FMN2: variants seen among roughly 807,000 people sequenced by gnomAD.
FMN2 encodes the protein formin-2.
FMN2 carries 51 observed loss-of-function variants against 142.3 expected under a neutral mutation model. The observed-to-expected ratio is 0.36, with a 90% CI of 0.29 to 0.45. The LOEUF (loss-of-function observed/expected upper bound fraction) is 0.45, where lower values mean the gene tolerates loss of function less well. FMN2 is among the 20% of genes least tolerant of loss of function. FMN2 has a pLI of 1.00. For synonymous variants in FMN2, 882 were observed against 869.8 expected, an observed-to-expected ratio of 1.01 and a Z score of -0.25; for missense variants, 1,936 against 2,122.8, an observed-to-expected ratio of 0.91 and a Z score of 1.73.
chr1:240,298,811 C>T (rs918019753), intron 8 of FMN2, among the ~76,000 whole-genome samples: 7 of 152,092 alleles, frequency 4.6e-5, no homozygotes, highest in African/African-American at 9.7e-5. Flanking sequence ...GGTTGGGGAC[C>T]GCTGCTGTCT....
Position 240,382,393 on chromosome 1 carries a change from G to A in FMN2, c.4859-10118G>A, listed in dbSNP as rs188758884. Among the ~76,000 whole-genome samples the A allele has an allele frequency of 4.1e-3, 620 of 152,062 alleles. 5 individuals are homozygous for A. The highest frequency in any genetic ancestry group is 0.014 in the African/African-American group (589 of 41,470). The stretch of plus-strand genomic sequence containing the variant: ...GAAGAATCAACATCATTAAAATACC[G>A]GCTGGGCCTGTAATCCCAGCACTTT... On this transcript the variant is annotated intron_variant, in intron 14 of 17. Transcript: ENST00000319653.
chr1:240,340,547 C>T (rs963547566), intron 13 of FMN2, among the ~76,000 whole-genome samples: 1 of 152,162 alleles, frequency 6.6e-6, no homozygotes, highest in African/African-American at 2.4e-5. Flanking sequence ...TACCACTGCA[C>T]TCCAGCCTGG....
At chr1:240,134,479 G>A (rs2103239633) in intron 2 of FMN2, among the ~76,000 whole-genome samples, 1 of 151,976 alleles carries the variant, frequency 6.6e-6, no homozygotes, top group South Asian at 2.1e-4. Context: ...TAAAAAATTA[G>A]CCAGGTGTGG....
At chr1:240,346,801 T>C (rs557532491) in intron 13 of FMN2, among the ~76,000 whole-genome samples, 1 of 152,276 alleles carries the variant, frequency 6.6e-6, no homozygotes, top group East Asian at 1.9e-4. Context: ...CAGCCTTTCC[T>C]ATACTTTATG....
chr1:240,337,060 G>T (rs895386540), intron 13 of FMN2, among the ~76,000 whole-genome samples: 1 of 152,032 alleles, frequency 6.6e-6, no homozygotes, highest in Admixed American at 6.6e-5. Flanking sequence ...TTTTAGGAAC[G>T]AGAGGGATAT....
chr1:240,357,251 A>G (rs1257244622), intron 14 of FMN2, among the ~76,000 whole-genome samples: 1 of 152,220 alleles, frequency 6.6e-6, no homozygotes, highest in Non-Finnish European at 1.5e-5. Flanking sequence ...CAATCAAGCA[A>G]TTTGCTGGAT....
chr1:240,285,305 C>T (rs995830522), intron 7 of FMN2: 8 of 455,006 alleles, frequency 1.8e-5, no homozygotes, highest in Non-Finnish European at 3.1e-5. Context: ...GACAGTTCCT[C>T]TGAACACCAA....
At chr1:240,255,107 C>T (rs554119078) in intron 6 of FMN2, among the ~76,000 whole-genome samples, 1 of 152,228 alleles carries the variant, frequency 6.6e-6, no homozygotes, top group East Asian at 1.9e-4. Flanking sequence ...TTAACTTTAC[C>T]ACATGAGGGA....
intron 7 of FMN2, among the ~76,000 whole-genome samples, chr1:240,269,527 T>G (rs981733789): frequency 6.6e-6 from 1 of 151,670 alleles, no homozygotes; most frequent in Non-Finnish European, 1.5e-5. Context: ...GGCTATTTGG[T>G]TTTTTTTGTG....
intron 7 of FMN2, among the ~76,000 whole-genome samples, chr1:240,273,668 C>T (rs1205559284): frequency 7.0e-6 from 1 of 142,836 alleles, no homozygotes; most frequent in African/African-American, 2.6e-5. Context: ...GCAGAGGGGG[C>T]AGAGACACAC....
At chr1:240,133,971 C>T (rs1428137818) in intron 2 of FMN2, among the ~76,000 whole-genome samples, 3 of 152,154 alleles carry the variant, frequency 2.0e-5, no homozygotes, top group African/African-American at 7.2e-5. Flanking sequence ...ATTCTAATCC[C>T]ATCTTCTCCA....
At chr1:240,327,019 T>C (rs1671193311) in intron 8 of FMN2, among the ~76,000 whole-genome samples, 1 of 152,188 alleles carries the variant, frequency 6.6e-6, no homozygotes, top group Non-Finnish European at 1.5e-5. Context: ...TATGATATTA[T>C]TTATGAGGCT....
intron 7 of FMN2, among the ~76,000 whole-genome samples, chr1:240,265,718 T>C (rs1390915036): frequency 2.0e-5 from 3 of 152,158 alleles, no homozygotes; most frequent in Non-Finnish European, 2.9e-5. Context: ...GGCAAATTAC[T>C]TTATATCTCT....
intron 8 of FMN2, among the ~76,000 whole-genome samples, chr1:240,315,345 G>T (rs1670743367): frequency 6.6e-6 from 1 of 152,138 alleles, no homozygotes; most frequent in Non-Finnish European, 1.5e-5. Context: ...TGGTTTTGAT[G>T]TATTATGTTT....
chr1:240,216,186 T>G (rs1467455366), intron 6 of FMN2, among the ~76,000 whole-genome samples: 1 of 152,180 alleles, frequency 6.6e-6, no homozygotes, highest in East Asian at 1.9e-4. Flanking sequence ...AGACAGCCAT[T>G]GTGGTTAAAC....
intron 8 of FMN2, among the ~76,000 whole-genome samples, chr1:240,301,270 A>C (rs1670187643): frequency 6.6e-6 from 1 of 151,546 alleles, no homozygotes. Flanking sequence ...CTTAGATAGA[A>C]TTTTCATATA....
intron 6 of FMN2, among the ~76,000 whole-genome samples, chr1:240,244,027 AAC>A (rs1463689018): frequency 1.3e-5 from 2 of 152,216 alleles, no homozygotes; most frequent in African/African-American, 4.8e-5. Context: ...TTTGAGAAAC[AAC>A]AGTTTTCACA....
At chr1:240,261,833 A>G (rs1418556580) in intron 7 of FMN2, among the ~76,000 whole-genome samples, 1 of 152,140 alleles carries the variant, frequency 6.6e-6, no homozygotes, top group Non-Finnish European at 1.5e-5. Context: ...CTATTTGGTA[A>G]TGTTCAAACT....
At chr1:240,359,578 A>G (rs113170224) in intron 14 of FMN2, among the ~76,000 whole-genome samples, 12 of 151,958 alleles carry the variant, frequency 7.9e-5, no homozygotes, top group Admixed American at 3.3e-4. Context: ...AACCCATTCA[A>G]TTTTCCCTCC....
Sources: allele counts gnomAD v4.1 joint callset (sites outside exome capture counted in the v4.1 genomes callset), GRCh38; gene constraint gnomAD v4.1.1; transcripts MANE v1.5; gene names NCBI Gene and HGNC (gene_info 2026-07-23, HGNC 2026-07-21).